The following INTU variants were observed in gnomAD, a reference collection of about 807,000 sequenced individuals.
INTU encodes the protein protein inturned.
In INTU, 68 loss-of-function variants were observed where a neutral mutation model predicts 100.5. The ratio of observed to expected loss-of-function variants is 0.68; its 90% CI spans 0.56 to 0.83. The LOEUF is 0.83. Ranked by LOEUF, INTU falls within the 40% of genes least tolerant of loss-of-function variation. The pLI is 0.00. For missense variants in INTU, 1,071 were observed against 1,114.7 expected (o/e 0.96, Z 0.56); for synonymous variants, 357 against 395.7 (o/e 0.90, Z 1.16).
intron 6 of INTU, among the ~76,000 whole-genome samples, chr4:127,682,998 C>G (rs1729652998): frequency 6.6e-6 from 1 of 152,170 alleles, no homozygotes; most frequent in South Asian, 2.1e-4. Flanking sequence ...GCTGTTCAAC[C>G]ACACTCTGAT....
At chr4:127,693,441 G>A (rs1349842813) in intron 8 of INTU, among the ~76,000 whole-genome samples, 1 of 152,110 alleles carries the variant, frequency 6.6e-6, no homozygotes, top group Non-Finnish European at 1.5e-5. Context: ...AAACTTTGCT[G>A]AATTCATTTA....
chr4:127,669,648 CAAT>C (rs1397779635), intron 5 of INTU, among the ~76,000 whole-genome samples: 1 of 151,770 alleles, frequency 6.6e-6, no homozygotes, highest in African/African-American at 2.4e-5. Flanking sequence ...GTTCTTACAA[CAAT>C]GATAGAAAAA....
Position 127,722,925 on chromosome 4 carries a change from T to G in INTU, c.*6489T>G, listed in dbSNP as rs1731368009. ...CTCCCTGGCTTCAGCCCCCTCCCCA[T>G]GAGAGTGGACAGATCTCCTGCCTCA... On this transcript the variant is annotated 3_prime_UTR_variant, in exon 16 of 16. Transcript: ENST00000335251. 6.6e-6 allele frequency: 1 copy of G among 152,348 alleles called. No individual in the cohort carries two copies. Among genetic ancestry groups the G allele is most frequent in the African/African-American group, 2.4e-5 (1 of 41,412 alleles). The allele number at this position is 152,348 out of a possible 1,614,324, so 9.4% of individuals were successfully genotyped here. A position where few individuals can be genotyped will look rare whatever the true frequency, so the allele number is the denominator to read the frequency against.
At chr4:127,712,930 T>G (rs1253649817) in intron 14 of INTU, among the ~76,000 whole-genome samples, 1 of 152,172 alleles carries the variant, frequency 6.6e-6, no homozygotes, top group African/African-American at 2.4e-5. Context: ...TAATGCCTGA[T>G]GATCTGAGGT....
chr4:127,681,548 A>C (rs1248139219), intron 6 of INTU, among the ~76,000 whole-genome samples: 1 of 152,222 alleles, frequency 6.6e-6, no homozygotes, highest in Non-Finnish European at 1.5e-5. Flanking sequence ...CTGGCTAGCC[A>C]TATGTAGAAA....
At chr4:127,640,579 A>G (rs1727278299) in intron 1 of INTU, among the ~76,000 whole-genome samples, 1 of 55,906 alleles carries the variant, frequency 1.8e-5, no homozygotes, top group African/African-American at 6.7e-5. Context: ...ATATATATAT[A>G]TATATATATA....
chr4:127,658,195 T>C (rs1728319857), intron 3 of INTU, among the ~76,000 whole-genome samples: 1 of 152,250 alleles, frequency 6.6e-6, no homozygotes, highest in African/African-American at 2.4e-5. Context: ...TATGCACATG[T>C]ATGTGTGCGC....
At position 127,643,573 on chromosome 4, in the gene INTU, T is replaced by A; in HGVS notation, c.199T>A (p.Tyr67Asn). 6 of 1,610,856 alleles carry A rather than the reference T, an allele frequency of 3.7e-6. No homozygotes were observed. Among genetic ancestry groups the A allele is most frequent in the Non-Finnish European group, 5.1e-6 (6 of 1,179,230 alleles). ...DSVQKNGELF[Y>N]LELSEDEEES... ...TGTGCAGAAAAATGGAGAGCTGTTT[T>A]ATTTGGAATTGAGTGAGGATGAAGA... Residue 67 changes from tyrosine (Y) to asparagine (N), a missense_variant, in exon 2 of 16, where the codon TAT (tyrosine) becomes AAT (asparagine). By Grantham distance (143) the Tyr-to-Asn change is moderately radical (BLOSUM62 -2). Transcript: ENST00000335251.
intron 8 of INTU, among the ~76,000 whole-genome samples, chr4:127,698,697 A>G (rs1194129874): frequency 6.6e-6 from 1 of 152,170 alleles, no homozygotes; most frequent in East Asian, 1.9e-4. Flanking sequence ...CCTAGGGTAC[A>G]GTGAAATAAT....
At chr4:127,640,542 C>T (rs72624506) in intron 1 of INTU, among the ~76,000 whole-genome samples, 1,067 of 53,494 alleles carry the variant, frequency 0.02, 47 homozygotes, top group African/African-American at 0.088. Context: ...GGTAAAGATA[C>T]ATATATATAT....
chr4:127,687,907 C>A (rs778062361), intron 8 of INTU, 40 bp downstream of exon 8: 1 of 1,334,182 alleles, frequency 7.5e-7, no homozygotes, highest in Non-Finnish European at 1.0e-6. Context: ...GAACCAGGTG[C>A]CTTATTATAA....
rs551335732 is a variant in INTU, at chr4:127,718,665, C to T, written c.*2229C>T. ...TGTGTCCTCTCTGGTTTCCTTGAGCCGTGGTTTGTAGTTCTCCTTGAAGAG... is the reference window on the plus strand; with the variant it reads ...TGTGTCCTCTCTGGTTTCCTTGAGCTGTGGTTTGTAGTTCTCCTTGAAGAG... On this transcript the variant is annotated 3_prime_UTR_variant, in exon 16 of 16. Transcript: ENST00000335251. 1.3e-5 allele frequency: 2 copies of T among 151,954 alleles called. No individual in the cohort carries two copies. The highest frequency in any genetic ancestry group is 2.1e-4 in the South Asian group (1 of 4,822). 9.4% of individuals were successfully genotyped at this position (151,954 alleles called of 1,614,324 possible).
intron 6 of INTU, among the ~76,000 whole-genome samples, chr4:127,679,779 C>T (rs1729428499): frequency 6.6e-6 from 1 of 151,442 alleles, no homozygotes; most frequent in African/African-American, 2.4e-5. Flanking sequence ...GAAATAGAGA[C>T]ACAAAAAACC....
At chr4:127,675,480 C>A (rs1729132855) in intron 6 of INTU, among the ~76,000 whole-genome samples, 1 of 152,162 alleles carries the variant, frequency 6.6e-6, no homozygotes, top group Non-Finnish European at 1.5e-5. Context: ...TGTAACAAAT[C>A]ATTCCCAAAA....
intron 2 of INTU, among the ~76,000 whole-genome samples, chr4:127,647,652 C>G (rs770884234): frequency 2.0e-5 from 3 of 152,022 alleles, no homozygotes; most frequent in Non-Finnish European, 4.4e-5. Flanking sequence ...TGCTGCCTAC[C>G]TCAGTGGGGG....
intron 3 of INTU, 62 bp from the exon 4 acceptor site, chr4:127,663,319 T>C: frequency 8.2e-7 from 1 of 1,221,778 alleles, no homozygotes; most frequent in Non-Finnish European, 1.2e-6. Flanking sequence ...GATCCTTCAT[T>C]GTGAAAACTG....
intron 8 of INTU, chr4:127,699,203 A>G (rs28489758): frequency 0.038 from 5,730 of 152,286 alleles, 365 homozygotes; most frequent in African/African-American, 0.13. Context: ...AATAGCATGT[A>G]TGCCACACAA....
Position 127,633,828 on chromosome 4 carries a change from G to C in INTU, c.146+648G>C, listed in dbSNP as rs189689076. Reference sequence around the variant, plus strand: ...GGTTTCACTTTCTTAATAATGCCATGAAAAGGTTATTTTGATTCACAGTAT... The same window carrying C: ...GGTTTCACTTTCTTAATAATGCCATCAAAAGGTTATTTTGATTCACAGTAT... On this transcript the variant is annotated intron_variant, in intron 1 of 15. Coordinates refer to ENST00000335251, the MANE Select transcript of INTU (RefSeq NM_015693.4). 2.4e-3 allele frequency among the ~76,000 whole-genome samples: 362 copies of C among 152,290 alleles called. 2 individuals are homozygous for C. Among genetic ancestry groups the C allele is most frequent in the African/African-American group, 8.3e-3 (344 of 41,568 alleles).
chr4:127,691,962 G>GTGTGTGTATATA, intron 8 of INTU, among the ~76,000 whole-genome samples: 4 of 98,222 alleles, frequency 4.1e-5, no homozygotes, highest in African/African-American at 1.2e-4. Flanking sequence ...TCCATGGTAT[G>GTGTGTGTATATA]TATATATATA....
Sources: allele counts gnomAD v4.1 joint callset (sites outside exome capture counted in the v4.1 genomes callset), GRCh38; gene constraint gnomAD v4.1.1; transcripts MANE v1.5; gene names NCBI Gene and HGNC (gene_info 2026-07-23, HGNC 2026-07-21).